GRID1: variants seen among roughly 807,000 people sequenced by gnomAD.
GRID1 encodes glutamate receptor ionotropic, delta-1.
A neutral mutation model predicts 98.0 loss-of-function variants in GRID1; 28 were observed. That is an observed-to-expected ratio of 0.29 (90% CI 0.21 to 0.39). The LOEUF (loss-of-function observed/expected upper bound fraction) is 0.39. GRID1 is among the 10% of genes least tolerant of loss of function. The pLI, the probability that GRID1 is intolerant of heterozygous loss-of-function variation, is 1.00. For synonymous variants in GRID1, 553 were observed against 538.5 expected, an observed-to-expected ratio of 1.03 and a Z score of -0.37; for missense variants, 1,111 against 1,340.5, an observed-to-expected ratio of 0.83 and a Z score of 2.67.
In GRID1 at chr10:85,723,211, T is replaced by C. The variant is rs140698410; in HGVS notation, c.1859-70A>G. 1.7e-3 allele frequency: 2,485 copies of C among 1,459,234 alleles called. 9 individuals carry two copies. Among genetic ancestry groups the C allele is most frequent in the Non-Finnish European group, 2.1e-3 (2,313 of 1,082,876 alleles). The allele number at this position is 1,459,234 out of a possible 1,614,324, so 90.4% of individuals were successfully genotyped here. ...CCCTCCTATCCCCAGGGAGGTGTTC[T>C]GCCCTGCAGCCAGGCACACAGGCCA... is the stretch of plus-strand genomic sequence containing the variant. On this transcript the variant is annotated intron_variant, in intron 11 of 15. Coordinates refer to ENST00000327946, the MANE Select transcript of GRID1 (RefSeq NM_017551.3).
intron 8 of GRID1, among the ~76,000 whole-genome samples, chr10:85,799,595 T>C (rs1842557236): frequency 6.6e-6 from 1 of 152,050 alleles, no homozygotes; most frequent in African/African-American, 2.4e-5. Context: ...TAGAGGACAT[T>C]ACGTTAACCC....
Position 85,812,159 on chromosome 10 carries a change from T to C in GRID1, c.1233+42337A>G, listed in dbSNP as rs377631830. 2.6e-5 allele frequency among the ~76,000 whole-genome samples: 4 copies of C among 152,256 alleles called. No individual in the cohort carries two copies. The East Asian group carries it at 7.7e-4, about 29-fold the overall frequency. Reference sequence around the variant, plus strand: ...CCCAGATAAGCAAAAACTACAGGAATGATTCACAACTTTACTGGTGTTAAA... The same window carrying C: ...CCCAGATAAGCAAAAACTACAGGAACGATTCACAACTTTACTGGTGTTAAA... On this transcript the variant is annotated intron_variant, in intron 8 of 15. Transcript: ENST00000327946.
chr10:85,740,020 G>T (rs1483493943), intron 8 of GRID1, among the ~76,000 whole-genome samples: 1 of 152,118 alleles, frequency 6.6e-6, no homozygotes, highest in Non-Finnish European at 1.5e-5. Context: ...ATAATCAGAA[G>T]AAAAATGATA....
intron 8 of GRID1, among the ~76,000 whole-genome samples, chr10:85,802,294 A>G (rs1842584016): frequency 6.6e-6 from 1 of 152,142 alleles, no homozygotes; most frequent in South Asian, 2.1e-4. Flanking sequence ...AGAGAACCCA[A>G]CTTAACAGAT....
chr10:86,230,593 T>C (rs896144190), intron 2 of GRID1, among the ~76,000 whole-genome samples: 1 of 152,222 alleles, frequency 6.6e-6, no homozygotes, highest in Non-Finnish European at 1.5e-5. Context: ...TCTCCACACC[T>C]GAACTTCCCA....
chr10:86,219,674 G>A (rs866982836), intron 2 of GRID1, among the ~76,000 whole-genome samples: 5 of 152,184 alleles, frequency 3.3e-5, no homozygotes, highest in East Asian at 1.9e-4. Flanking sequence ...TAAATGGAGC[G>A]GGTTCCCCCA....
intron 4 of GRID1, among the ~76,000 whole-genome samples, chr10:86,007,496 T>G (rs1235336932): frequency 1.3e-5 from 2 of 152,202 alleles, no homozygotes; most frequent in Non-Finnish European, 2.9e-5. Context: ...CCAGGGAAGT[T>G]AGAGCAAACA....
intron 4 of GRID1, among the ~76,000 whole-genome samples, chr10:86,003,221 G>A (rs1842821283): frequency 6.6e-6 from 1 of 152,176 alleles, no homozygotes; most frequent in Admixed American, 6.5e-5. Context: ...AGTTGATGAT[G>A]AAGAGCCAGG....
At chr10:86,139,600 T>C (rs1844982487) in intron 3 of GRID1, among the ~76,000 whole-genome samples, 1 of 152,214 alleles carries the variant, frequency 6.6e-6, no homozygotes, top group South Asian at 2.1e-4. Context: ...TGTCTGGCTT[T>C]AGGGACCTGA....
Position 85,647,371 on chromosome 10 carries a change from A to G in GRID1, c.2024T>C (p.Val675Ala). ...IRTFQDLSKQ[V>A]EMSYGTVRDS... Reference sequence around the variant, plus strand: ...CCGGACAGTGCCATAAGACATTTCCACTTGTTTGGACAGGTCCTGGAAAGT... The same window carrying G: ...CCGGACAGTGCCATAAGACATTTCCGCTTGTTTGGACAGGTCCTGGAAAGT... Residue 675 changes from valine (V) to alanine (A), a missense_variant, in exon 13 of 16, where the codon GTG becomes GCG. This residue lies in a region of GRID1 where 762 missense variants were observed against 869.1 expected (regional missense o/e 0.88). Coordinates refer to ENST00000327946, the MANE Select transcript of GRID1 (RefSeq NM_017551.3). 1 of 1,614,188 alleles carries G rather than the reference A, an allele frequency of 6.2e-7. No homozygotes were observed. The highest frequency in any genetic ancestry group is 8.5e-7 in the Non-Finnish European group (1 of 1,180,010).
intron 2 of GRID1, among the ~76,000 whole-genome samples, chr10:86,215,391 C>A (rs1468333907): frequency 6.6e-6 from 1 of 152,226 alleles, no homozygotes; most frequent in East Asian, 1.9e-4. Flanking sequence ...ATTAATGAAT[C>A]AAAACCAATT....
chr10:85,987,865 T>C (rs544411948), intron 4 of GRID1, among the ~76,000 whole-genome samples: 2 of 152,062 alleles, frequency 1.3e-5, no homozygotes, highest in East Asian at 1.9e-4. Context: ...TTTTTCTTCA[T>C]AGACATCATA....
chr10:85,642,746 G>A (rs1477059889), intron 13 of GRID1, among the ~76,000 whole-genome samples: 2 of 152,142 alleles, frequency 1.3e-5, no homozygotes, highest in Non-Finnish European at 2.9e-5. Flanking sequence ...CACTGGCATG[G>A]TAAATCCTTT....
chr10:85,632,607 T>C (rs181028815), intron 13 of GRID1, among the ~76,000 whole-genome samples: 110 of 152,314 alleles, frequency 7.2e-4, no homozygotes, highest in African/African-American at 2.4e-3. Context: ...CTTGCTCTGC[T>C]GCCCAGGCTC....
chr10:85,816,164 T>C (rs974957666), intron 8 of GRID1, among the ~76,000 whole-genome samples: 2 of 152,118 alleles, frequency 1.3e-5, no homozygotes, highest in African/African-American at 4.8e-5. Context: ...ACCCATCAAT[T>C]CTACTTCAAG....
intron 12 of GRID1, among the ~76,000 whole-genome samples, chr10:85,701,102 C>T (rs1349863408): frequency 6.6e-6 from 1 of 152,032 alleles, no homozygotes; most frequent in Non-Finnish European, 1.5e-5. Flanking sequence ...AGGCTGCTAC[C>T]TACTTATTTA....
In GRID1 at chr10:85,848,676, C is replaced by T. The variant is rs142108227; in HGVS notation, c.1233+5820G>A. Among the ~76,000 whole-genome samples the T allele has an allele frequency of 2.5e-4, 38 of 152,262 alleles. No homozygotes were observed. In the East Asian group the frequency reaches 3.3e-3, roughly 13 times the overall value. On this transcript the variant is annotated intron_variant, in intron 8 of 15. Coordinates refer to ENST00000327946, the MANE Select transcript of GRID1 (RefSeq NM_017551.3). ...GTTTAAAGATTGTAGCTGACTTTTA[C>T]GTTCTTCTTTTCATTTATCTGTGTT... is the stretch of plus-strand genomic sequence containing the variant.
chr10:85,728,027 T>G lies in GRID1; in HGVS notation c.1361A>C (p.Glu454Ala), dbSNP rs761537194. 1 of 1,613,388 alleles carries G rather than the reference T, an allele frequency of 6.2e-7. No individual in the cohort carries two copies. Among genetic ancestry groups the G allele is most frequent in the Non-Finnish European group, 8.5e-7 (1 of 1,179,380 alleles). ...VLEEPFVMVA[E>A]NILGQPKRYK... ...GCGCTTGGGCTGTCCTAGGATGTTC[T>G]CAGCCACCATCACGAAAGGCTCTTC... Residue 454 changes from glutamate (E) to alanine (A), a missense_variant, in exon 10 of 16, where the codon GAG becomes GCG. Glu to Ala is a moderately radical substitution (Grantham distance 107). Around this residue, in one of 3 missense-constraint regions of GRID1, gnomAD observed 762 missense variants for 869.1 expected, o/e 0.88. Coordinates refer to ENST00000327946, the MANE Select transcript of GRID1 (RefSeq NM_017551.3).
intron 4 of GRID1, among the ~76,000 whole-genome samples, chr10:86,077,247 G>A (rs1177687634): frequency 7.3e-6 from 1 of 137,090 alleles, no homozygotes; most frequent in East Asian, 1.9e-4. Context: ...CAGCTGCACA[G>A]TGATACTCAG....
Sources: allele counts gnomAD v4.1 joint callset (sites outside exome capture counted in the v4.1 genomes callset), GRCh38; gene constraint gnomAD v4.1.1; regional missense constraint gnomAD v4.1.1; transcripts MANE v1.5; gene names NCBI Gene and HGNC (gene_info 2026-07-23, HGNC 2026-07-21).